Variants in MRPS6 observed in about 807,000 individuals in gnomAD.
MRPS6 encodes mitochondrial ribosomal protein S6, also known as small ribosomal subunit protein bS6m.
MRPS6 carries 6 observed loss-of-function variants against 13.1 expected under a neutral mutation model. The ratio of observed to expected loss-of-function variants is 0.46; its 90% CI spans 0.25 to 0.91. The LOEUF is 0.91. Among genes scored for constraint, MRPS6 ranks in the 40% least tolerant of loss-of-function variants. MRPS6 has a pLI of 0.18. For missense variants in MRPS6, 164 were observed against 155.6 expected (o/e 1.05, Z -0.29); for synonymous variants, 61 against 56.5 (o/e 1.08, Z -0.36).
At chr21:34,098,384 C>G (rs1010816978) in intron 1 of MRPS6, 26 of 1,000,072 alleles carry the variant, frequency 2.6e-5, no homozygotes, top group Admixed American at 6.2e-5. Flanking sequence ...TTGATTAGAT[C>G]ATGATATATC....
intron 1 of MRPS6, among the ~76,000 whole-genome samples, chr21:34,107,312 G>C (rs1979519475): frequency 6.6e-6 from 1 of 152,160 alleles, no homozygotes; most frequent in Non-Finnish European, 1.5e-5. Context: ...GTTCCCTCAT[G>C]ATTAGATTCA....
intron 2 of MRPS6, among the ~76,000 whole-genome samples, chr21:34,134,831 C>G (rs896759361): frequency 1.3e-5 from 2 of 152,110 alleles, no homozygotes; most frequent in Non-Finnish European, 2.9e-5. Context: ...ATGAGCTATT[C>G]AACACTTAAT....
At chr21:34,104,223 G>C (rs115543543) in intron 1 of MRPS6, 1 of 999,866 alleles carries the variant, frequency 1.0e-6, no homozygotes, top group Non-Finnish European at 1.2e-6. Context: ...TTTGCTAGAG[G>C]AGCTACTTTG....
chr21:34,105,995 T>C (rs907738023), intron 1 of MRPS6: 1 of 995,138 alleles, frequency 1.0e-6, no homozygotes, highest in African/African-American at 1.7e-5. Flanking sequence ...AAAGTGTTAT[T>C]GTTTAAAAAA....
chr21:34,142,564 A>G lies in MRPS6; in HGVS notation c.342A>G (p.Ala114=), dbSNP rs1465318247. 5.0e-6 allele frequency: 8 copies of G among 1,607,200 alleles called. No individual in the cohort carries two copies. The highest frequency in any genetic ancestry group is 1.7e-4 in the Middle Eastern group (1 of 5,814). ...ECEGIVPVPL[A]EKLYSTKKRK... ...AAGGGATTGTCCCAGTCCCACTCGC[A>G]GAAAAATTATATTCCACAAAGAAGA... Residue 114 remains alanine, a synonymous_variant, in exon 3 of 3, where the codon GCA becomes GCG. Coordinates refer to ENST00000399312, the MANE Select transcript of MRPS6 (RefSeq NM_032476.4).
chr21:34,142,431 C>T lies in MRPS6; in HGVS notation c.209C>T (p.Ala70Val), dbSNP rs1980936901. 2.5e-6 allele frequency: 4 copies of T among 1,574,212 alleles called. No homozygotes were observed. The highest frequency in any genetic ancestry group is 1.4e-5 in the African/African-American group (1 of 72,928). Residue 70 changes from alanine to valine, a missense_variant, in exon 3 of 3, where the codon GCA becomes GTA. Transcript: ENST00000399312. The part of the protein sequence containing the change: ...RGGYFLVDFY[A>V]PTAAVESMVE... The stretch of plus-strand genomic sequence containing the variant: ...AGGTATTTCTTGGTGGATTTTTATG[C>T]ACCCACCGCAGCTGTTGAAAGCATG...
Position 34,096,940 on chromosome 21 carries a change from C to G in MRPS6, c.45+23195C>G. On this transcript the variant is annotated intron_variant, in intron 1 of 2. Coordinates refer to ENST00000399312, the MANE Select transcript of MRPS6 (RefSeq NM_032476.4). This position sits in a 1 kb window ranked among gnomAD's most constrained non-coding sequence, Gnocchi z 5.9. ...CTGAGATGCAGTGAGAATAATGAGA[C>G]CATCAACCACATCATTCCCAACGGG... 6.2e-7 allele frequency: 1 copy of G among 1,614,020 alleles called. No homozygotes were observed. Among genetic ancestry groups the G allele is most frequent in the Non-Finnish European group, 8.5e-7 (1 of 1,179,946 alleles).
rs60942561 is a variant in MRPS6 at position 34,086,432 on chromosome 21, C to T, written c.45+12687C>T. 4.5e-3 allele frequency among the ~76,000 whole-genome samples: 683 copies of T among 152,074 alleles called. 5 individuals carry two copies. The highest frequency in any genetic ancestry group is 0.015 in the African/African-American group (635 of 41,460). On this transcript the variant is annotated intron_variant, in intron 1 of 2. Transcript: ENST00000399312. ...CCTGGGTGCATTACTTCAGGGCTTA[C>T]CGGTGGTGATTTTTCTCATTACATT...
intron 1 of MRPS6, among the ~76,000 whole-genome samples, chr21:34,108,589 G>A (rs952689664): frequency 1.3e-5 from 2 of 152,060 alleles, no homozygotes; most frequent in African/African-American, 2.4e-5. Flanking sequence ...GCCTTCCCTC[G>A]GTGTTTGTAT....
chr21:34,101,315 A>C (rs1392192926), intron 1 of MRPS6: 2 of 1,000,120 alleles, frequency 2.0e-6, no homozygotes, highest in African/African-American at 3.5e-5. Context: ...CCAATAAATA[A>C]GTTTCAGCTT....
chr21:34,129,738 T>C (rs148424546), intron 2 of MRPS6, among the ~76,000 whole-genome samples: 2,610 of 152,260 alleles, frequency 0.017, 65 homozygotes, highest in African/African-American at 0.057. Flanking sequence ...AACATTTCCA[T>C]GTTCTCGTGC....
intron 1 of MRPS6, chr21:34,104,862 T>C (rs1189769784): frequency 3.0e-6 from 3 of 1,000,036 alleles, no homozygotes; most frequent in Non-Finnish European, 3.6e-6. Context: ...TTGTAAGAAC[T>C]GTACAAAAAA....
chr21:34,103,025 A>T, intron 1 of MRPS6: 2 of 999,982 alleles, frequency 2.0e-6, no homozygotes, highest in Non-Finnish European at 2.4e-6. Flanking sequence ...TAAGTTTTCA[A>T]TTTATCAACA....
At chr21:34,130,121 T>C (rs1602963163) in intron 2 of MRPS6, among the ~76,000 whole-genome samples, 1 of 142,432 alleles carries the variant, frequency 7.0e-6, no homozygotes, top group African/African-American at 2.5e-5. Context: ...CCCTCCCCCA[T>C]CCCCCCACCC....
At chr21:34,100,984 G>C (rs763290461) in intron 1 of MRPS6, 1 of 999,440 alleles carries the variant, frequency 1.0e-6, no homozygotes, top group Non-Finnish European at 1.2e-6. Flanking sequence ...TTCATCAGAG[G>C]CATGATGACT....
At chr21:34,104,051 C>A in intron 1 of MRPS6, 1 of 1,000,076 alleles carries the variant, frequency 1.0e-6, no homozygotes, top group Non-Finnish European at 1.2e-6. Flanking sequence ...GAAAGTCATA[C>A]TTTAACAGGG....
At chr21:34,101,655 C>A in intron 1 of MRPS6, 2 of 1,000,078 alleles carry the variant, frequency 2.0e-6, no homozygotes, top group African/African-American at 3.5e-5. Context: ...CAGCTTAGTT[C>A]ACTTTAAGGC....
intron 2 of MRPS6, among the ~76,000 whole-genome samples, chr21:34,131,413 C>T (rs760787706): frequency 6.6e-6 from 1 of 152,204 alleles, no homozygotes; most frequent in East Asian, 1.9e-4. Context: ...TCTAACTCCC[C>T]TGGAGACACT....
intron 1 of MRPS6, among the ~76,000 whole-genome samples, chr21:34,120,352 C>T (rs1947354533): frequency 6.6e-6 from 1 of 152,206 alleles, no homozygotes; most frequent in Admixed American, 6.5e-5. Flanking sequence ...CATTTTCATA[C>T]AGCTGTATAT....
Sources: gnomAD v4.1 joint callset for allele counts (sites outside exome capture counted in the v4.1 genomes callset) on GRCh38, gnomAD v4.1.1 for gene constraint, Gnocchi (gnomAD v3.1) non-coding constraint, MANE v1.5 for transcripts, NCBI Gene and HGNC (gene_info 2026-07-23, HGNC 2026-07-21) for gene names.